Variants in TRAT1 observed in about 807,000 individuals in gnomAD.
The protein encoded by TRAT1 is T-cell receptor-associated transmembrane adapter 1.
Under a neutral mutation model 20.0 loss-of-function variants are expected in TRAT1, and 20 were observed. That is an observed-to-expected ratio of 1.00 (90% CI 0.70 to 1.45). The LOEUF is 1.45. TRAT1 is among the 40% of genes most tolerant of loss of function. The pLI, the probability that TRAT1 is intolerant of heterozygous loss-of-function variation, is 0.00. For synonymous variants in TRAT1, 77 were observed against 74.2 expected (o/e 1.04, Z -0.20); for missense variants, 237 against 224.1 (o/e 1.06, Z -0.37).
intron 1 of TRAT1, among the ~76,000 whole-genome samples, chr3:108,826,774 A>G (rs1265805970): frequency 6.6e-6 from 1 of 152,210 alleles, no homozygotes; most frequent in African/African-American, 2.4e-5. Flanking sequence ...GCTGTAATAT[A>G]CTATAAACTC....
chr3:108,836,707 A>G (rs775319522), intron 2 of TRAT1, among the ~76,000 whole-genome samples: 2 of 152,198 alleles, frequency 1.3e-5, no homozygotes, highest in Non-Finnish European at 2.9e-5. Context: ...AAAATATTTC[A>G]TTTACCTCTG....
At chr3:108,826,572 G>C (rs1449154023) in intron 1 of TRAT1, among the ~76,000 whole-genome samples, 1 of 152,116 alleles carries the variant, frequency 6.6e-6, no homozygotes, top group Non-Finnish European at 1.5e-5. Context: ...CATCAAGAAT[G>C]TGCCTTATTT....
At chr3:108,845,837 T>A (rs1945937597) in intron 3 of TRAT1, among the ~76,000 whole-genome samples, 1 of 152,182 alleles carries the variant, frequency 6.6e-6, no homozygotes, top group South Asian at 2.1e-4. Context: ...AGACTGCCAT[T>A]GTGAAATCTG....
intron 1 of TRAT1, among the ~76,000 whole-genome samples, chr3:108,830,431 A>G (rs1384407623): frequency 6.6e-6 from 1 of 152,236 alleles, no homozygotes; most frequent in East Asian, 1.9e-4. Flanking sequence ...AAAGTCGTTT[A>G]TTTCATAAAC....
At position 108,854,216 on chromosome 3, in the gene TRAT1, G is replaced by A; in HGVS notation, c.*339G>A. The A allele has an allele frequency of 5.6e-6, 1 of 180,064 alleles. No individual in the cohort carries two copies. The highest frequency in any genetic ancestry group is 5.7e-5 in the Admixed American group (1 of 17,476). The allele number at this position is 180,064 out of a possible 1,614,324, so 11.2% of individuals were successfully genotyped here. ...CAAATTCACAATACCTAATACTTAG[G>A]GAAATATAAAAATTTAAGCATGAAT... On this transcript the variant is annotated 3_prime_UTR_variant, in exon 6 of 6. Transcript: ENST00000295756.
intron 3 of TRAT1, among the ~76,000 whole-genome samples, chr3:108,846,230 T>G (rs1291422636): frequency 1.3e-5 from 2 of 152,206 alleles, no homozygotes; most frequent in Non-Finnish European, 2.9e-5. Flanking sequence ...TGCAAATACC[T>G]TATATGCACA....
At chr3:108,823,459 T>C (rs1158658355) in intron 1 of TRAT1, among the ~76,000 whole-genome samples, 1 of 152,208 alleles carries the variant, frequency 6.6e-6, no homozygotes, top group Admixed American at 6.5e-5. Flanking sequence ...GGATCCATAT[T>C]GACTCACTGT....
chr3:108,838,579 G>A (rs1420608016), intron 2 of TRAT1, among the ~76,000 whole-genome samples: 1 of 152,146 alleles, frequency 6.6e-6, no homozygotes. Flanking sequence ...CACAAGGGAG[G>A]CAGGAAGGAA....
chr3:108,839,702 G>A (rs1028691326), intron 3 of TRAT1, among the ~76,000 whole-genome samples: 2 of 151,654 alleles, frequency 1.3e-5, no homozygotes, highest in Non-Finnish European at 1.5e-5. Context: ...GATGAGTAGC[G>A]CTATGCTGTT....
At chr3:108,850,343 C>T (rs997891181) in intron 5 of TRAT1, among the ~76,000 whole-genome samples, 2 of 145,620 alleles carry the variant, frequency 1.4e-5, no homozygotes, top group Non-Finnish European at 3.0e-5. Flanking sequence ...TGCTCTTTGT[C>T]GCCCAGGCTG....
chr3:108,837,222 C>T (rs1226935661), intron 2 of TRAT1, among the ~76,000 whole-genome samples: 1 of 152,168 alleles, frequency 6.6e-6, no homozygotes, highest in Non-Finnish European at 1.5e-5. Flanking sequence ...GCATCTTTTA[C>T]ATGCAGTTCA....
chr3:108,853,680 A>G lies in TRAT1; in HGVS notation c.364A>G (p.Arg122Gly), dbSNP rs1486581443. The change falls in exon 6 of 6, where the codon AGA becomes GGA. Residue 122 changes from arginine to glycine, a missense_variant. Arg to Gly is a moderately radical substitution (Grantham distance 125). Transcript: ENST00000295756. ...TGATCACAGCGTTAAGGGGAAGCGT[A>G]GAAAGCCCAGGAAACAGAATACTCA... ...SLDHSVKGKR[R>G]KPRKQNTHFS... 1 of 1,614,166 alleles carries G rather than the reference A, an allele frequency of 6.2e-7. No individual in the cohort carries two copies.
At chr3:108,833,460 T>C (rs771614034) in intron 2 of TRAT1, among the ~76,000 whole-genome samples, 10 of 152,112 alleles carry the variant, frequency 6.6e-5, no homozygotes, top group Non-Finnish European at 7.4e-5. Context: ...CATTTTGTTA[T>C]TTCAGGACAG....
intron 2 of TRAT1, among the ~76,000 whole-genome samples, chr3:108,833,843 G>A (rs1189285202): frequency 6.8e-6 from 1 of 148,082 alleles, no homozygotes; most frequent in Non-Finnish European, 1.5e-5. Context: ...TCTTTGCATA[G>A]TGCTGGGGAC....
intron 2 of TRAT1, among the ~76,000 whole-genome samples, chr3:108,832,035 A>C (rs1324278509): frequency 1.3e-5 from 2 of 152,238 alleles, no homozygotes; most frequent in African/African-American, 4.8e-5. Flanking sequence ...GATTGCAGCA[A>C]ATGTCCTTGC....
At position 108,838,971 on chromosome 3, in the gene TRAT1, T is replaced by C; in HGVS notation, c.152+4T>C. ...GCTACTCCAGTGACCACACCAGGTATGTTGTGATTCAGTCATGGATCATGA... is the reference window on the plus strand; with the variant it reads ...GCTACTCCAGTGACCACACCAGGTACGTTGTGATTCAGTCATGGATCATGA... On this transcript the variant is annotated splice_donor_region_variant and intron_variant, in intron 3 of 5. Coordinates refer to ENST00000295756, the MANE Select transcript of TRAT1 (RefSeq NM_016388.4). 6.2e-7 allele frequency: 1 copy of C among 1,603,984 alleles called. No individual in the cohort carries two copies. Among genetic ancestry groups the C allele is most frequent in the Non-Finnish European group, 8.5e-7 (1 of 1,170,720 alleles).
chr3:108,846,909 C>A (rs1027913136), intron 3 of TRAT1, among the ~76,000 whole-genome samples, 159 bp from the exon 4 acceptor site: 1 of 152,136 alleles, frequency 6.6e-6, no homozygotes, highest in African/African-American at 2.4e-5. Context: ...CATGCATGCA[C>A]GTGTTCACTC....
At chr3:108,843,488 C>A (rs1326365249) in intron 3 of TRAT1, among the ~76,000 whole-genome samples, 1 of 152,108 alleles carries the variant, frequency 6.6e-6, no homozygotes, top group East Asian at 1.9e-4. Context: ...CAAGATCACA[C>A]CACTGCACTC....
chr3:108,848,539 T>C (rs557052592), intron 4 of TRAT1, among the ~76,000 whole-genome samples: 13 of 152,260 alleles, frequency 8.5e-5, no homozygotes, highest in Non-Finnish European at 1.8e-4. Flanking sequence ...TAGGATGAAA[T>C]GAGTACAGAT....
Sources: gnomAD v4.1 joint callset for allele counts (sites outside exome capture counted in the v4.1 genomes callset) on GRCh38, gnomAD v4.1.1 for gene constraint, MANE v1.5 for transcripts, NCBI Gene and HGNC (gene_info 2026-07-23, HGNC 2026-07-21) for gene names.